Variants in GABRG1 observed in about 807,000 individuals in gnomAD.
GABRG1 encodes the protein gamma-aminobutyric acid receptor subunit gamma-1.
Under a neutral mutation model 49.8 loss-of-function variants are expected in GABRG1, and 49 were observed. The observed-to-expected ratio is 0.98, with a 90% CI of 0.78 to 1.25. The LOEUF is 1.25. Ranked by LOEUF, GABRG1 falls within the 50% of genes most tolerant of loss-of-function variation. The pLI is 0.00. For synonymous variants in GABRG1, 232 were observed against 185.1 expected (o/e 1.25, Z -2.06); for missense variants, 552 against 552.3 (o/e 1.00, Z 0.01).
chr4:46,056,839 G>A (rs1236834436), intron 7 of GABRG1, among the ~76,000 whole-genome samples: 1 of 152,042 alleles, frequency 6.6e-6, no homozygotes, highest in Non-Finnish European at 1.5e-5. Context: ...AGAGATATTT[G>A]TCAAGTTACA....
intron 8 of GABRG1, among the ~76,000 whole-genome samples, chr4:46,049,727 A>G (rs537650092): frequency 4.6e-4 from 70 of 152,034 alleles, no homozygotes; most frequent in African/African-American, 1.7e-3. Flanking sequence ...GAATAACATG[A>G]TAAGTTTAAA....
chr4:46,058,038 T>C (rs1419409427), intron 7 of GABRG1, among the ~76,000 whole-genome samples, 179 bp downstream of exon 7: 1 of 152,142 alleles, frequency 6.6e-6, no homozygotes, highest in Admixed American at 6.6e-5. Flanking sequence ...AATTCCATTT[T>C]CTACTTTTCT....
At position 46,092,681 on chromosome 4, in the gene GABRG1, T is replaced by C. The variant is rs142151656; in HGVS notation, c.253+4520A>G. The stretch of plus-strand genomic sequence containing the variant: ...ATTGCCAGACTTGATAATTAGGAAA[T>C]AGGAACAATATACATATTTCCTAAA... On this transcript the variant is annotated intron_variant, in intron 2 of 8. Transcript: ENST00000295452. Among the ~76,000 whole-genome samples the C allele has an allele frequency of 3.2e-3, 492 of 151,996 alleles. 1 individual carries two copies. Among genetic ancestry groups the C allele is most frequent in the African/African-American group, 0.011 (477 of 41,504 alleles).
rs747292999 is a variant in GABRG1, at chr4:46,097,225, TG to T, written c.228del (p.Asp76GlufsTer8). On this transcript the variant is annotated frameshift_variant, in exon 2 of 9. Coordinates refer to ENST00000295452, the MANE Select transcript of GABRG1 (RefSeq NM_173536.4). LOFTEE classifies it high-confidence loss of function. ...CCTCCTATATCTGGACGAAGTTTATTGTCATAGCCTTGAAGCAATGAATTCA... is the reference window on the plus strand; with the variant it reads ...CCTCCTATATCTGGACGAAGTTTATTTCATAGCCTTGAAGCAATGAATTCA... ...QILNSLLQGY[D>X]NKLRPDIGVR... 1 of 1,608,596 alleles carries T rather than the reference TG, an allele frequency of 6.2e-7. No homozygotes were observed. Among genetic ancestry groups the T allele is most frequent in the Non-Finnish European group, 8.5e-7 (1 of 1,177,224 alleles).
Position 46,036,365 on chromosome 4 carries a change from CTT to C in GABRG1, c.*4621_*4622del, listed in dbSNP as rs796823278. 1 of 151,804 alleles carries C rather than the reference CTT, an allele frequency of 6.6e-6. No homozygotes were observed. The highest frequency in any genetic ancestry group is 2.4e-5 in the African/African-American group (1 of 41,486). 9.4% of individuals were successfully genotyped at this position (151,804 alleles called of 1,614,324 possible). ...GAAATGGTTATTTGAATAGAAAACT[CTT>C]TTAGTGAGGAACATTTTTCAAAAAA... On this transcript the variant is annotated 3_prime_UTR_variant, in exon 9 of 9. Transcript: ENST00000295452.
At chr4:46,063,053 T>G (rs1399605218) in intron 5 of GABRG1, among the ~76,000 whole-genome samples, 1 of 150,824 alleles carries the variant, frequency 6.6e-6, no homozygotes, top group African/African-American at 2.4e-5. Context: ...TCCATGCTCA[T>G]GGGTAGGAAG....
At chr4:46,095,344 G>A (rs185933602) in intron 2 of GABRG1, among the ~76,000 whole-genome samples, 1 of 151,672 alleles carries the variant, frequency 6.6e-6, no homozygotes, top group Non-Finnish European at 1.5e-5. Context: ...TCAACTTTAT[G>A]TTCCTAAATA....
intron 1 of GABRG1, among the ~76,000 whole-genome samples, chr4:46,108,300 G>A (rs2109438867): frequency 6.6e-6 from 1 of 150,948 alleles, no homozygotes; most frequent in East Asian, 2.0e-4. Context: ...GTAAATTTTT[G>A]GCACACACAT....
At chr4:46,053,358 T>C (rs913587743) in intron 7 of GABRG1, among the ~76,000 whole-genome samples, 2 of 152,078 alleles carry the variant, frequency 1.3e-5, no homozygotes, top group East Asian at 3.9e-4. Context: ...AAGTAGTTGA[T>C]GATAATTTCT....
At chr4:46,072,306 T>C (rs1719160280) in intron 3 of GABRG1, among the ~76,000 whole-genome samples, 1 of 152,104 alleles carries the variant, frequency 6.6e-6, no homozygotes, top group Non-Finnish European at 1.5e-5. Flanking sequence ...TAAAGATACA[T>C]TTCTTATAAT....
At chr4:46,116,187 G>C (rs1020020516) in intron 1 of GABRG1, among the ~76,000 whole-genome samples, 1 of 150,840 alleles carries the variant, frequency 6.6e-6, no homozygotes, top group Non-Finnish European at 1.5e-5. Context: ...CAGAAGGCTG[G>C]TAAATGCCCA....
rs1718225989 is a variant in GABRG1, at chr4:46,051,608, A to T, written c.947T>A (p.Leu316Gln). The change falls in exon 8 of 9, where the codon CTG (leucine) becomes CAG (glutamine). Residue 316 changes from leucine (L) to glutamine (Q), a missense_variant. Coordinates refer to ENST00000295452, the MANE Select transcript of GABRG1 (RefSeq NM_173536.4). ...GITTVLTMTTLSTIARKSLPK... is the reference protein window; with the variant it reads ...GITTVLTMTTQSTIARKSLPK... ...TAAAGACTTCCTGGCAATTGTACTCAGGGTTGTCATAGTCAGAACTGTAGT... is the reference window on the plus strand; with the variant it reads ...TAAAGACTTCCTGGCAATTGTACTCTGGGTTGTCATAGTCAGAACTGTAGT... 20 of 1,610,144 alleles carry T rather than the reference A, an allele frequency of 1.2e-5. No individual in the cohort carries two copies. The highest frequency in any genetic ancestry group is 1.6e-5 in the Non-Finnish European group (19 of 1,177,298).
At chr4:46,061,463 TCAAAAGAAAGAAAATAGCATTAGA>T in intron 5 of GABRG1, among the ~76,000 whole-genome samples, 1 of 152,154 alleles carries the variant, frequency 6.6e-6, no homozygotes, top group East Asian at 1.9e-4. Flanking sequence ...ACAATAAATT[TCAAAAGAAAGAAAATAGCATTAGA>T]CAATTTGTGG....
chr4:46,058,895 C>T (rs1176739224), intron 5 of GABRG1, among the ~76,000 whole-genome samples: 1 of 152,026 alleles, frequency 6.6e-6, no homozygotes, highest in Non-Finnish European at 1.5e-5. Context: ...TATAGTACTT[C>T]CTCCCCAATC....
Position 46,039,196 on chromosome 4 carries a change from A to G in GABRG1, c.*1792T>C, listed in dbSNP as rs1717658809. On this transcript the variant is annotated 3_prime_UTR_variant, in exon 9 of 9. Transcript: ENST00000295452. ...ATGTTATTAAAATGAATGTATGAATAATCTGTAAATGAATATATAGATGGC... is the reference window on the plus strand; with the variant it reads ...ATGTTATTAAAATGAATGTATGAATGATCTGTAAATGAATATATAGATGGC... The G allele has an allele frequency of 6.6e-6, 1 of 151,828 alleles. No individual in the cohort carries two copies. The highest frequency in any genetic ancestry group is 1.5e-5 in the Non-Finnish European group (1 of 67,710). The allele number at this position is 151,828 out of a possible 1,614,324, so 9.4% of individuals were successfully genotyped here. A position where few individuals can be genotyped will look rare whatever the true frequency, so the allele number is the denominator to read the frequency against.
chr4:46,076,159 G>A (rs1267030683), intron 3 of GABRG1, among the ~76,000 whole-genome samples: 1 of 151,432 alleles, frequency 6.6e-6, no homozygotes, highest in East Asian at 1.9e-4. Flanking sequence ...TCTGAATCAT[G>A]GAGGCTACCA....
chr4:46,123,768 G>T (rs573234028), intron 1 of GABRG1, 42 bp downstream of exon 1: 20 of 1,385,954 alleles, frequency 1.4e-5, no homozygotes, highest in African/African-American at 1.4e-4. Context: ...GGGGAAAGGG[G>T]TAGATAGCAA....
At chr4:46,087,624 AT>A (rs1195231311) in intron 2 of GABRG1, among the ~76,000 whole-genome samples, 1 of 151,870 alleles carries the variant, frequency 6.6e-6, no homozygotes, top group African/African-American at 2.4e-5. Context: ...CAGAAAACCT[AT>A]AGTTATTAAA....
rs948895278 is a variant in GABRG1 at position 46,107,957 on chromosome 4, G to C, written c.105-10608C>G. 2.0e-5 allele frequency among the ~76,000 whole-genome samples: 3 copies of C among 151,108 alleles called. No homozygotes were observed. In the Admixed American group the frequency reaches 2.0e-4, roughly 10 times the overall value. On this transcript the variant is annotated intron_variant, in intron 1 of 8. Coordinates refer to ENST00000295452, the MANE Select transcript of GABRG1 (RefSeq NM_173536.4). The stretch of plus-strand genomic sequence containing the variant: ...GTAAAATGTTTATGTATATGTGATA[G>C]ACAAAAATCTATGCTAGAGGACATA...
Sources: gnomAD v4.1 joint callset for allele counts (sites outside exome capture counted in the v4.1 genomes callset) on GRCh38, gnomAD v4.1.1 for gene constraint, MANE v1.5 for transcripts, NCBI Gene and HGNC (gene_info 2026-07-23, HGNC 2026-07-21) for gene names.